The following HDAC4 variants were observed in gnomAD, a reference collection of about 807,000 sequenced individuals.
HDAC4 encodes the protein histone deacetylase 4, also known as histone deacetylase A.
Under a neutral mutation model 135.1 loss-of-function variants are expected in HDAC4, and 16 were observed. The ratio of observed to expected loss-of-function variants is 0.12; its 90% confidence interval spans 0.08 to 0.18. The LOEUF (loss-of-function observed/expected upper bound fraction) is 0.18. HDAC4 is among the 10% of genes least tolerant of loss of function. The pLI, the probability that HDAC4 is intolerant of heterozygous loss-of-function variation, is 1.00. For missense variants in HDAC4, 1,143 were observed against 1,511.8 expected (o/e 0.76, Z 4.05); for synonymous variants, 685 against 653.4 (o/e 1.05, Z -0.74).
intron 4 of HDAC4, among the ~76,000 whole-genome samples, chr2:239,184,071 A>AG (rs2044331105): frequency 1.5e-5 from 1 of 68,364 alleles, no homozygotes; most frequent in African/African-American, 5.7e-5. Context: ...TGCTAGTGTA[A>AG]AAAAAAAAAA....
chr2:239,208,124 C>T (rs1490317532), intron 3 of HDAC4, among the ~76,000 whole-genome samples: 1 of 151,498 alleles, frequency 6.6e-6, no homozygotes, highest in East Asian at 1.9e-4. Flanking sequence ...AGATGGAGAC[C>T]ATCCTGGCTA....
chr2:239,246,546 A>ACCGGCCACCGGCCAC (rs77052500), intron 2 of HDAC4, among the ~76,000 whole-genome samples: 8 of 152,024 alleles, frequency 5.3e-5, no homozygotes, highest in Non-Finnish European at 8.8e-5. Flanking sequence ...GGTGATGGCC[A>ACCGGCCACCGGCCAC]CGGCGCCGGC....
intron 4 of HDAC4, among the ~76,000 whole-genome samples, chr2:239,181,674 G>GC (rs1358870777): frequency 6.6e-6 from 1 of 152,226 alleles, no homozygotes; most frequent in Non-Finnish European, 1.5e-5. Context: ...CAGTGCCCAG[G>GC]CCAGGCTGCC....
chr2:239,316,551 T>C (rs915027308), intron 2 of HDAC4, among the ~76,000 whole-genome samples: 7 of 152,218 alleles, frequency 4.6e-5, no homozygotes, highest in African/African-American at 1.7e-4. Context: ...GAGGCTGTAG[T>C]GAGCTGTGAT....
intron 1 of HDAC4, among the ~76,000 whole-genome samples, chr2:239,356,468 G>C (rs1032692501): frequency 5.3e-5 from 8 of 152,150 alleles, no homozygotes; most frequent in Admixed American, 5.2e-4. Context: ...GTTTTATAAC[G>C]TACAGTCAAT....
intron 2 of HDAC4, among the ~76,000 whole-genome samples, chr2:239,279,272 G>A (rs1406315952): frequency 1.3e-5 from 2 of 152,238 alleles, no homozygotes; most frequent in African/African-American, 4.8e-5. Flanking sequence ...AGATGCTCAC[G>A]TCTCTGAGCT....
At chr2:239,360,562 G>A (rs1693793141) in intron 1 of HDAC4, among the ~76,000 whole-genome samples, 1 of 152,236 alleles carries the variant, frequency 6.6e-6, no homozygotes, top group South Asian at 2.1e-4. Context: ...GTTCCACTGA[G>A]AGCAAACGGG....
intron 24 of HDAC4, among the ~76,000 whole-genome samples, chr2:239,060,676 G>C (rs2032556640): frequency 6.6e-6 from 1 of 152,224 alleles, no homozygotes; most frequent in African/African-American, 2.4e-5. Flanking sequence ...ATCTCCTAAA[G>C]GTGAACAAAC....
Position 239,103,415 on chromosome 2 carries a change from A to G in HDAC4, c.2113-519T>C, listed in dbSNP as rs1186488870. 2.6e-5 allele frequency among the ~76,000 whole-genome samples: 4 copies of G among 152,344 alleles called. No individual in the cohort carries two copies. The East Asian group carries it at 7.7e-4, about 29-fold the overall frequency. ...GGCTGCGTCTCTCTGAGGTTTGGAAATTCTTCAGATTGAGATCCCTGGGCT... is the reference window on the plus strand; with the variant it reads ...GGCTGCGTCTCTCTGAGGTTTGGAAGTTCTTCAGATTGAGATCCCTGGGCT... On this transcript the variant is annotated intron_variant, in intron 15 of 26. Transcript: ENST00000543185.
intron 3 of HDAC4, among the ~76,000 whole-genome samples, chr2:239,226,974 A>C (rs2047279647): frequency 6.6e-6 from 1 of 152,250 alleles, no homozygotes; most frequent in African/African-American, 2.4e-5. Context: ...TGGATTGTTT[A>C]GAAAGACACA....
chr2:239,081,831 A>C (rs1462339720), intron 21 of HDAC4, among the ~76,000 whole-genome samples: 1 of 152,066 alleles, frequency 6.6e-6, no homozygotes, highest in African/African-American at 2.4e-5. Context: ...GGCACCACAC[A>C]CCTCCTCCTT....
chr2:239,093,919 A>C (rs2036749716), intron 17 of HDAC4: 1 of 982,182 alleles, frequency 1.0e-6, no homozygotes, highest in South Asian at 4.7e-5. Context: ...AAATAACTCT[A>C]GGAGGGCTTG....
chr2:239,271,136 A>G (rs2050035972), intron 2 of HDAC4, among the ~76,000 whole-genome samples: 1 of 152,124 alleles, frequency 6.6e-6, no homozygotes, highest in Admixed American at 6.5e-5. Flanking sequence ...TTTTTGAGAC[A>G]GGGTCTTGCT....
chr2:239,214,476 T>A (rs1028166079), intron 3 of HDAC4, among the ~76,000 whole-genome samples: 3 of 152,140 alleles, frequency 2.0e-5, no homozygotes, highest in African/African-American at 4.8e-5. Context: ...GGGCTGAGGA[T>A]TAGCTGAGGG....
intron 2 of HDAC4, among the ~76,000 whole-genome samples, chr2:239,272,215 C>G (rs2050097421): frequency 6.6e-6 from 1 of 152,152 alleles, no homozygotes; most frequent in Non-Finnish European, 1.5e-5. Flanking sequence ...AAGCCAGGAG[C>G]CCCAAGAGGG....
chr2:239,242,106 A>AGGAG (rs1239727080), intron 2 of HDAC4, among the ~76,000 whole-genome samples: 437 of 144,926 alleles, frequency 3.0e-3, no homozygotes, highest in African/African-American at 0.012. Context: ...AGGAAGGAGA[A>AGGAG]AAAAAGAAAG....
intron 1 of HDAC4, among the ~76,000 whole-genome samples, chr2:239,367,155 C>T (rs531052973): frequency 6.6e-6 from 1 of 152,098 alleles, no homozygotes; most frequent in African/African-American, 2.4e-5. Flanking sequence ...AGAGGGTCCC[C>T]GAGACCTTTA....
intron 1 of HDAC4, among the ~76,000 whole-genome samples, chr2:239,378,480 T>A (rs1695182810): frequency 6.6e-6 from 1 of 152,000 alleles, no homozygotes. Context: ...ACCACCCAGA[T>A]GGCAGCATCA....
intron 3 of HDAC4, among the ~76,000 whole-genome samples, chr2:239,214,637 C>G (rs1004254061): frequency 2.6e-5 from 4 of 152,246 alleles, no homozygotes; most frequent in African/African-American, 9.6e-5. Context: ...CGTGGCAATG[C>G]TGGAGCTGTG....
Sources: allele counts gnomAD v4.1 joint callset (sites outside exome capture counted in the v4.1 genomes callset), GRCh38; gene constraint gnomAD v4.1.1; transcripts MANE v1.5; gene names NCBI Gene and HGNC (gene_info 2026-07-23, HGNC 2026-07-21).